INPPL1: variants seen among roughly 807,000 people sequenced by gnomAD.
The protein encoded by INPPL1 is inositol polyphosphate phosphatase like 1, also known as phosphatidylinositol 3,4,5-trisphosphate 5-phosphatase 2.
In INPPL1, 91 loss-of-function variants were observed where a neutral mutation model predicts 139.3. The ratio of observed to expected loss-of-function variants is 0.65; its 90% CI spans 0.55 to 0.78. The LOEUF (loss-of-function observed/expected upper bound fraction) is 0.78. INPPL1 is among the 30% of genes least tolerant of loss of function. The pLI, the probability that INPPL1 is intolerant of heterozygous loss-of-function variation, is 0.00. For missense variants in INPPL1, 1,411 were observed against 1,665.6 expected (o/e 0.85, Z 2.66); for synonymous variants, 719 against 686.6 (o/e 1.05, Z -0.74).
chr11:72,232,515 G>T, intron 14 of INPPL1, 111 bp from the exon 15 acceptor site: 2 of 1,413,256 alleles, frequency 1.4e-6, no homozygotes, highest in Admixed American at 1.9e-5. Context: ...CAGGGGCCCG[G>T]ATCTTTACCC....
At position 72,233,199 on chromosome 11, in the gene INPPL1, G is replaced by A. The variant is rs376722983; in HGVS notation, c.2040+36G>A. 7.3e-5 allele frequency: 114 copies of A among 1,567,120 alleles called. No homozygotes were observed. In the African/African-American group the frequency reaches 1.0e-3, roughly 14 times the overall value. On this transcript the variant is annotated intron_variant, in intron 17 of 27. Coordinates refer to ENST00000298229, the MANE Select transcript of INPPL1 (RefSeq NM_001567.4). ...AAAACGGCATGGGCCTTGGGGGACCGCAGGCCTGCGATGAATCAAGAATTT... is the reference window on the plus strand; with the variant it reads ...AAAACGGCATGGGCCTTGGGGGACCACAGGCCTGCGATGAATCAAGAATTT...
At position 72,230,358 on chromosome 11, in the gene INPPL1, C is replaced by T; in HGVS notation, c.1091-4C>T. The T allele has an allele frequency of 2.5e-6, 4 of 1,614,026 alleles. No individual in the cohort carries two copies. The highest frequency in any genetic ancestry group is 3.4e-6 in the Non-Finnish European group (4 of 1,180,014). Reference sequence around the variant, plus strand: ...GCCCATGTGACCGGTCCTCCATGCCCTAGTCCGCCAGCTCATTAAGTCCCA... The same window carrying T: ...GCCCATGTGACCGGTCCTCCATGCCTTAGTCCGCCAGCTCATTAAGTCCCA... On this transcript the variant is annotated splice_region_variant and splice_polypyrimidine_tract_variant and intron_variant, in intron 9 of 27. Transcript: ENST00000298229.
upstream of INPPL1, among the ~76,000 whole-genome samples, chr11:72,224,596 T>C (rs1273915244): frequency 6.9e-6 from 1 of 144,926 alleles, no homozygotes; most frequent in East Asian, 2.2e-4. Context: ...GGCAGGATCA[T>C]TGTGGGGTCT....
Position 72,237,535 on chromosome 11 carries a change from T to C in INPPL1, c.3291T>C (p.Pro1097=). The C allele has an allele frequency of 6.2e-7, 1 of 1,604,772 alleles. No individual in the cohort carries two copies. The change falls in exon 26 of 28, where the codon CCT becomes CCC. Residue 1097 remains proline, a synonymous_variant. Transcript: ENST00000298229. ...CACCTCCCAAGGCCCATCCAAGGCC[T>C]CCACTGCCCCCAGGCCCCTCACCAG... is the stretch of plus-strand genomic sequence containing the variant. ...GPPPPKAHPR[P]PLPPGPSPAS...
Position 72,235,328 on chromosome 11 carries a change from G to A in INPPL1, c.2536G>A (p.Gly846Ser), listed in dbSNP as rs1441065170. The A allele has an allele frequency of 1.9e-6, 3 of 1,613,894 alleles. No individual in the cohort carries two copies. The highest frequency in any genetic ancestry group is 2.7e-5 in the African/African-American group (2 of 74,858). Residue 846 changes from glycine (G) to serine (S), a missense_variant, in exon 23 of 28, where the codon GGC (glycine) becomes AGC (serine). Physicochemically the swap from Gly to Ser is moderately conservative, Grantham distance 56 (BLOSUM62 0). This residue lies in a region of INPPL1 where 99 missense variants were observed against 171.6 expected (regional missense o/e 0.58). Coordinates refer to ENST00000298229, the MANE Select transcript of INPPL1 (RefSeq NM_001567.4). This position sits in a 1 kb window ranked among gnomAD's most constrained non-coding sequence, Gnocchi z 4.9. Reference sequence around the variant, plus strand: ...TGTGGTTGCACTCAAATCCATGATCGGCAGCACGGCCCAACAGTTCCTGAC... The same window carrying A: ...TGTGGTTGCACTCAAATCCATGATCAGCAGCACGGCCCAACAGTTCCTGAC... Reference protein sequence around the residue: ...ECVVALKSMIGSTAQQFLTFL... With the variant: ...ECVVALKSMISSTAQQFLTFL...
chr11:72,233,782 C>A, intron 19 of INPPL1, 38 bp downstream of exon 19: 1 of 1,561,896 alleles, frequency 6.4e-7, no homozygotes, highest in Non-Finnish European at 8.8e-7. Flanking sequence ...GTGGCATAAT[C>A]TAGGTGGGCA....
chr11:72,229,626 G>A, intron 6 of INPPL1, 37 bp from the exon 7 acceptor site: 1 of 1,612,370 alleles, frequency 6.2e-7, no homozygotes, highest in Non-Finnish European at 8.5e-7. Context: ...CTCTGCTTAG[G>A]TGACTCATGT....
chr11:72,227,987 T>TAAA, intron 1 of INPPL1: 2 of 469,540 alleles, frequency 4.3e-6, no homozygotes, highest in Non-Finnish European at 7.6e-6. Context: ...GGGGGTGTTC[T>TAAA]GGTCATTCCT....
rs780054338 is a variant in INPPL1 at position 72,230,023 on chromosome 11, C to T, written c.939+4C>T. On this transcript the variant is annotated splice_donor_region_variant and intron_variant, in intron 8 of 27. Coordinates refer to ENST00000298229, the MANE Select transcript of INPPL1 (RefSeq NM_001567.4). The stretch of plus-strand genomic sequence containing the variant: ...CATCCCCGTGCAGGCCTTTGAGGTA[C>T]ATGGCAGTGGGGCCTCACAGGGCCA... The T allele has an allele frequency of 3.1e-6, 5 of 1,614,176 alleles. No homozygotes were observed. The highest frequency in any genetic ancestry group is 2.2e-5 in the East Asian group (1 of 44,872).
At position 72,235,872 on chromosome 11, in the gene INPPL1, C is replaced by A; in HGVS notation, c.2765C>A (p.Thr922Lys). The A allele has an allele frequency of 6.2e-7, 1 of 1,613,200 alleles. No individual in the cohort carries two copies. ...TCAGGGAGCCGCAAGCCAGCCTTCA[C>A]AGAGGCCTCCTGCCCGCTCTCCAGG... ...PRSGSRKPAF[T>K]EASCPLSRLF... is the part of the protein sequence containing the mutation. Residue 922 changes from threonine to lysine, a missense_variant, in exon 25 of 28, where the codon ACA (threonine) becomes AAA (lysine). Thr to Lys is a moderately conservative substitution (Grantham distance 78). Around this residue, in one of 5 missense-constraint regions of INPPL1, gnomAD observed 99 missense variants for 171.6 expected, o/e 0.58. Coordinates refer to ENST00000298229, the MANE Select transcript of INPPL1 (RefSeq NM_001567.4). The surrounding 1 kb of genome is among the most constrained non-coding windows in gnomAD (Gnocchi z 4.9).
rs754632268 is a variant in INPPL1, at chr11:72,231,015, C to T, written c.1323C>T (p.Asn441=). 2.6e-5 allele frequency: 42 copies of T among 1,613,606 alleles called. No homozygotes were observed. The highest frequency in any genetic ancestry group is 3.3e-5 in the Non-Finnish European group (39 of 1,179,784). The part of the protein sequence containing the change: ...WNMGSVPPPK[N]VTSWFTSKGL... ...CAGGAAGTGTACCACCTCCAAAAAA[C>T]GTGACATCCTGGTTCACATCGAAGG... The change falls in exon 12 of 28, where the codon AAC becomes AAT. Residue 441 remains asparagine, a synonymous_variant. Coordinates refer to ENST00000298229, the MANE Select transcript of INPPL1 (RefSeq NM_001567.4).
chr11:72,234,966 T>G lies in INPPL1; in HGVS notation c.2416-150T>G. ...CCTGTATAGGGCTGTGTCTTCTGCA[T>G]TAAGGATTTGGCTCTTCTCTGAAGA... On this transcript the variant is annotated intron_variant, in intron 21 of 27. Coordinates refer to ENST00000298229, the MANE Select transcript of INPPL1 (RefSeq NM_001567.4). The surrounding 1 kb of genome is among the most constrained non-coding windows in gnomAD (Gnocchi z 4.2). 1 of 663,762 alleles carries G rather than the reference T, an allele frequency of 1.5e-6. No individual in the cohort carries two copies. The highest frequency in any genetic ancestry group is 2.7e-6 in the Non-Finnish European group (1 of 376,832). The allele number at this position is 663,762 out of a possible 1,614,324, so 41.1% of individuals were successfully genotyped here. A position where few individuals can be genotyped will look rare whatever the true frequency, so the allele number is the denominator to read the frequency against.
chr11:72,237,723 C>G lies in INPPL1; in HGVS notation c.3479C>G (p.Ser1160Trp), dbSNP rs763181115. Residue 1160 changes from serine to tryptophan, a missense_variant, in exon 26 of 28, where the codon TCG (serine) becomes TGG (tryptophan). Physicochemically the swap from Ser to Trp is radical, Grantham distance 177. Coordinates refer to ENST00000298229, the MANE Select transcript of INPPL1 (RefSeq NM_001567.4). Reference sequence around the variant, plus strand: ...CTGCAGCCCCCCCGGGGACTGCCCTCGGACTATGGCCGGCCCCTCAGCTTC... The same window carrying G: ...CTGCAGCCCCCCCGGGGACTGCCCTGGGACTATGGCCGGCCCCTCAGCTTC... The part of the protein sequence containing the change: ...LELQPPRGLP[S>W]DYGRPLSFPP... 1.9e-6 allele frequency: 3 copies of G among 1,611,696 alleles called. No homozygotes were observed. The highest frequency in any genetic ancestry group is 1.7e-6 in the Non-Finnish European group (2 of 1,179,480).
In INPPL1 at chr11:72,237,367, T is replaced by C. The variant is rs1565397839; in HGVS notation, c.3123T>C (p.Asp1041=). The change falls in exon 26 of 28, where the codon GAT becomes GAC. Residue 1041 remains aspartate, a synonymous_variant. Coordinates refer to ENST00000298229, the MANE Select transcript of INPPL1 (RefSeq NM_001567.4). ...HPRVGEGSSS[D]EESGGTLPPP... ...GTGTGGGAGAGGGGAGTTCTTCAGA[T>C]GAGGAGTCTGGAGGCACACTGCCCC... 6.2e-7 allele frequency: 1 copy of C among 1,613,882 alleles called. No homozygotes were observed. The highest frequency in any genetic ancestry group is 1.1e-5 in the South Asian group (1 of 91,082).
intron 1 of INPPL1, chr11:72,227,934 C>T (rs1948719681): frequency 1.9e-6 from 1 of 530,608 alleles, no homozygotes; most frequent in Admixed American, 3.1e-5. Flanking sequence ...TCAGGCCCTG[C>T]CCTGTGGTGG....
rs565550675 is a variant in INPPL1 at position 72,231,200 on chromosome 11, G to T, written c.1497+11G>T. The T allele has an allele frequency of 3.7e-6, 6 of 1,604,960 alleles. No individual in the cohort carries two copies. Among genetic ancestry groups the T allele is most frequent in the African/African-American group, 1.3e-5 (1 of 74,952 alleles). ...CTGGATTACCGCCCGGTGAGGGGGG[G>T]TCATCTTGTCCAGGACCCTGTCCTC... On this transcript the variant is annotated intron_variant, in intron 12 of 27. Transcript: ENST00000298229.
In INPPL1 at chr11:72,228,462, C is replaced by G. The variant is rs1260189205; in HGVS notation, c.361C>G (p.Arg121Gly). Residue 121 changes from arginine to glycine, a missense_variant, in exon 3 of 28, where the codon CGA becomes GGA. By Grantham distance (125) the Arg-to-Gly change is moderately radical (BLOSUM62 -2). Around this residue, in one of 5 missense-constraint regions of INPPL1, gnomAD observed 504 missense variants for 595.6 expected, o/e 0.85. Transcript: ENST00000298229. The surrounding 1 kb of genome is among the most constrained non-coding windows in gnomAD (Gnocchi z 5.0). ...CALLLPVEGE[R>G]EPDPPDDRDA... ...CCTGCTTCTTCCTGTAGAGGGTGAG[C>G]GAGAGCCGGACCCACCGGATGACCG... 2 of 1,610,406 alleles carry G rather than the reference C, an allele frequency of 1.2e-6. No individual in the cohort carries two copies. The highest frequency in any genetic ancestry group is 1.7e-6 in the Non-Finnish European group (2 of 1,179,982).
chr11:72,224,178 C>A (rs1054302337), upstream of INPPL1, among the ~76,000 whole-genome samples: 7 of 152,030 alleles, frequency 4.6e-5, no homozygotes, highest in East Asian at 2.0e-4. Context: ...CTGGGCCCCC[C>A]GCCAGAGTAA....
chr11:72,232,441 C>T (rs767013871), intron 14 of INPPL1, 105 bp downstream of exon 14: 2 of 1,229,454 alleles, frequency 1.6e-6, no homozygotes, highest in Non-Finnish European at 2.3e-6. Flanking sequence ...GGCCTGTCTC[C>T]AGAGACCCCC....
Sources: allele counts gnomAD v4.1 joint callset (sites outside exome capture counted in the v4.1 genomes callset), GRCh38; gene constraint gnomAD v4.1.1; regional missense constraint gnomAD v4.1.1; non-coding constraint Gnocchi (gnomAD v3.1); transcripts MANE v1.5; gene names NCBI Gene and HGNC (gene_info 2026-07-23, HGNC 2026-07-21).